NWD2: variants seen among roughly 807,000 people sequenced by gnomAD.
NWD2 encodes NACHT and WD repeat domain-containing protein 2.
A neutral mutation model predicts 132.7 loss-of-function variants in NWD2; 37 were observed. The ratio of observed to expected loss-of-function variants is 0.28; its 90% CI spans 0.21 to 0.37. The LOEUF is 0.37. Among genes scored for constraint, NWD2 ranks in the 10% least tolerant of loss-of-function variants. The pLI is 1.00. For missense variants in NWD2, 1,592 were observed against 2,122.4 expected, an observed-to-expected ratio of 0.75 and a Z score of 4.91; for synonymous variants, 705 against 803.0, an observed-to-expected ratio of 0.88 and a Z score of 2.06.
intron 3 of NWD2, among the ~76,000 whole-genome samples, chr4:37,401,167 C>A (rs1577691450): frequency 6.6e-6 from 1 of 152,158 alleles, no homozygotes; most frequent in East Asian, 1.9e-4. Flanking sequence ...CTTATCCAGT[C>A]CCTAAACTTA....
chr4:37,266,766 A>C (rs561306464), intron 1 of NWD2, among the ~76,000 whole-genome samples: 9 of 152,004 alleles, frequency 5.9e-5, no homozygotes, highest in Admixed American at 5.9e-4. Context: ...TCTTGCTGAC[A>C]TACTGAGTTC....
At chr4:37,257,796 T>C (rs898001993) in intron 1 of NWD2, among the ~76,000 whole-genome samples, 6 of 152,296 alleles carry the variant, frequency 3.9e-5, no homozygotes, top group African/African-American at 1.4e-4. Flanking sequence ...TATAAAATAT[T>C]AAGTTAATAA....
At chr4:37,420,179 T>C (rs1337152959) in intron 3 of NWD2, among the ~76,000 whole-genome samples, 1 of 152,254 alleles carries the variant, frequency 6.6e-6, no homozygotes, top group Non-Finnish European at 1.5e-5. Context: ...GTTCATGTCC[T>C]TTGTCCATTG....
chr4:37,274,599 G>T (rs1481350276), intron 1 of NWD2, among the ~76,000 whole-genome samples: 1 of 152,120 alleles, frequency 6.6e-6, no homozygotes, highest in African/African-American at 2.4e-5. Context: ...GCATCATCCT[G>T]ATACCAAAGC....
At chr4:37,253,700 G>A (rs1717445448) in intron 1 of NWD2, among the ~76,000 whole-genome samples, 1 of 152,182 alleles carries the variant, frequency 6.6e-6, no homozygotes, top group Non-Finnish European at 1.5e-5. Context: ...CATCCGTAAG[G>A]TAAGTTCTTA....
chr4:37,347,786 C>T (rs915016824), intron 2 of NWD2, among the ~76,000 whole-genome samples: 2 of 152,060 alleles, frequency 1.3e-5, no homozygotes, highest in African/African-American at 4.8e-5. Flanking sequence ...TTAAATTAAC[C>T]TTCATATTTA....
chr4:37,384,668 C>G (rs11946348), intron 3 of NWD2, among the ~76,000 whole-genome samples: 2,823 of 152,260 alleles, frequency 0.019, 80 homozygotes, highest in African/African-American at 0.065. Context: ...AAGTTCTGGC[C>G]AACAGGCAGA....
chr4:37,271,710 C>T (rs544371209), intron 1 of NWD2, among the ~76,000 whole-genome samples: 2 of 151,864 alleles, frequency 1.3e-5, no homozygotes, highest in South Asian at 4.1e-4. Flanking sequence ...ACTTATTTTA[C>T]TCCAAAATAA....
At chr4:37,313,008 T>C (rs1718881360) in intron 1 of NWD2, among the ~76,000 whole-genome samples, 1 of 151,158 alleles carries the variant, frequency 6.6e-6, no homozygotes, top group Non-Finnish European at 1.5e-5. Flanking sequence ...AGCTTTTTGA[T>C]GTGCTGCTGG....
chr4:37,423,490 G>A lies in NWD2; in HGVS notation c.358-7082G>A, dbSNP rs558063549. 4.8e-4 allele frequency among the ~76,000 whole-genome samples: 73 copies of A among 152,284 alleles called. No homozygotes were observed. The South Asian group carries it at 5.2e-3, about 11-fold the overall frequency. On this transcript the variant is annotated intron_variant, in intron 3 of 6. Coordinates refer to ENST00000309447, the MANE Select transcript of NWD2 (RefSeq NM_001144990.2). The stretch of plus-strand genomic sequence containing the variant: ...AGAGAAGCTGGTGGTATAAATTCGA[G>A]TCCAAGTGCAAAGGCCAAAGAAACA...
chr4:37,291,971 A>G (rs1718370261), intron 1 of NWD2, among the ~76,000 whole-genome samples: 1 of 152,190 alleles, frequency 6.6e-6, no homozygotes, highest in African/African-American at 2.4e-5. Flanking sequence ...TGACTCAGAT[A>G]TGGAAGCTCC....
Position 37,245,017 on chromosome 4 carries a change from CGAGGAGCAG to C in NWD2, c.-46_-38del. ...TTCCGTGGAGCTGCGGGCAGGAACC[CGAGGAGCAG>C]GAGGTGGCGGCGGCGGCAGTGGCTG... On this transcript the variant is annotated 5_prime_UTR_variant, in exon 1 of 7. Coordinates refer to ENST00000309447, the MANE Select transcript of NWD2 (RefSeq NM_001144990.2). 6.5e-7 allele frequency: 1 copy of C among 1,537,632 alleles called. No individual in the cohort carries two copies. The highest frequency in any genetic ancestry group is 8.7e-7 in the Non-Finnish European group (1 of 1,145,542).
Position 37,433,884 on chromosome 4 carries a change from T to C in NWD2, c.570T>C (p.Pro190=). 6.5e-7 allele frequency: 1 copy of C among 1,544,086 alleles called. No homozygotes were observed. The highest frequency in any genetic ancestry group is 8.7e-7 in the Non-Finnish European group (1 of 1,143,162). ...CTTTTACATTTCTATAGATGCAGCCTTCTACCAATGCTGAAAACGAGAAGA... is the reference window on the plus strand; with the variant it reads ...CTTTTACATTTCTATAGATGCAGCCCTCTACCAATGCTGAAAACGAGAAGA... ...MLRSNRNAMQ[P]STNAENEKTW... The change falls in exon 5 of 7, where the codon CCT becomes CCC. Residue 190 remains proline (P), a synonymous_variant. Coordinates refer to ENST00000309447, the MANE Select transcript of NWD2 (RefSeq NM_001144990.2).
intron 1 of NWD2, among the ~76,000 whole-genome samples, chr4:37,309,818 A>G (rs868573505): frequency 6.6e-6 from 1 of 152,196 alleles, no homozygotes; most frequent in African/African-American, 2.4e-5. Context: ...CCAATGCCTC[A>G]GGGATGCCTC....
chr4:37,441,001 G>GA (rs1712468345), intron 6 of NWD2, among the ~76,000 whole-genome samples: 1 of 152,218 alleles, frequency 6.6e-6, no homozygotes, highest in African/African-American at 2.4e-5. Context: ...TCCTCTTGAA[G>GA]ACAAGAACAG....
At position 37,439,480 on chromosome 4, in the gene NWD2, T is replaced by C; in HGVS notation, c.1296+90T>C. 2.2e-6 allele frequency: 2 copies of C among 929,252 alleles called. No individual in the cohort carries two copies. The highest frequency in any genetic ancestry group is 3.1e-6 in the Non-Finnish European group (2 of 645,010). 57.6% of individuals were successfully genotyped at this position (929,252 alleles called of 1,614,324 possible). ...ATCAAATTCATTTCTACTTTCTGAGTTTACTATGTGAATTATAGTTGGTCT... is the reference window on the plus strand; with the variant it reads ...ATCAAATTCATTTCTACTTTCTGAGCTTACTATGTGAATTATAGTTGGTCT... On this transcript the variant is annotated intron_variant, in intron 6 of 6. Coordinates refer to ENST00000309447, the MANE Select transcript of NWD2 (RefSeq NM_001144990.2). This position sits in a 1 kb window ranked among gnomAD's most constrained non-coding sequence, Gnocchi z 4.5.
Position 37,444,381 on chromosome 4 carries a change from A to G in NWD2, c.2393A>G (p.Lys798Arg). The G allele has an allele frequency of 6.4e-7, 1 of 1,552,166 alleles. No homozygotes were observed. The highest frequency in any genetic ancestry group is 1.2e-5 in the South Asian group (1 of 84,056). ...LENRSLLEEE[K>R]HFMEQASFDR... ...AACAGAAGTTTGCTGGAGGAAGAAAAGCACTTCATGGAACAGGCTTCCTTT... is the reference window on the plus strand; with the variant it reads ...AACAGAAGTTTGCTGGAGGAAGAAAGGCACTTCATGGAACAGGCTTCCTTT... Residue 798 changes from lysine (K) to arginine (R), a missense_variant, in exon 7 of 7, where the codon AAG becomes AGG. By Grantham distance (26) the Lys-to-Arg change is conservative. Transcript: ENST00000309447. This position sits in a 1 kb window ranked among gnomAD's most constrained non-coding sequence, Gnocchi z 4.8.
intron 3 of NWD2, among the ~76,000 whole-genome samples, chr4:37,394,225 A>T (rs1197085261): frequency 1.3e-5 from 2 of 152,200 alleles, no homozygotes; most frequent in Non-Finnish European, 2.9e-5. Flanking sequence ...ATCTGTTTTC[A>T]TCGTAAGATT....
Position 37,444,010 on chromosome 4 carries a change from A to G in NWD2, c.2022A>G (p.Glu674=). The G allele has an allele frequency of 6.4e-7, 1 of 1,552,236 alleles. No homozygotes were observed. Among genetic ancestry groups the G allele is most frequent in the Non-Finnish European group, 8.7e-7 (1 of 1,147,120 alleles). ...YITMAKMGLS[E]MELEDVLALD... is the part of the protein sequence containing the mutation. ...CCATGGCCAAAATGGGTCTGAGTGA[A>G]ATGGAACTGGAGGATGTGTTAGCCC... The change falls in exon 7 of 7, where the codon GAA becomes GAG. Residue 674 remains glutamate, a synonymous_variant. Coordinates refer to ENST00000309447, the MANE Select transcript of NWD2 (RefSeq NM_001144990.2). The surrounding 1 kb of genome is among the most constrained non-coding windows in gnomAD (Gnocchi z 4.8).
Sources: allele counts gnomAD v4.1 joint callset (sites outside exome capture counted in the v4.1 genomes callset), GRCh38; gene constraint gnomAD v4.1.1; non-coding constraint Gnocchi (gnomAD v3.1); transcripts MANE v1.5; gene names NCBI Gene and HGNC (gene_info 2026-07-23, HGNC 2026-07-21).